The following B4GALT4 variants were observed in gnomAD, a reference collection of about 807,000 sequenced individuals.
The protein encoded by B4GALT4 is beta-1,4-galactosyltransferase 4.
B4GALT4 carries 27 observed loss-of-function variants against 37.3 expected under a neutral mutation model. The observed-to-expected ratio is 0.72, with a 90% CI of 0.53 to 1.00. The LOEUF is 1.00. Among genes scored for constraint, B4GALT4 ranks in the 50% least tolerant of loss-of-function variants. B4GALT4 has a pLI of 0.00. For synonymous variants in B4GALT4, 148 were observed against 154.1 expected (o/e 0.96, Z 0.29); for missense variants, 372 against 413.1 (o/e 0.90, Z 0.86).
chr3:119,227,583 G>A (rs1044444651), intron 3 of B4GALT4, among the ~76,000 whole-genome samples: 46 of 152,176 alleles, frequency 3.0e-4, no homozygotes, highest in African/African-American at 1.1e-3. Context: ...AGCTGTAACA[G>A]GTATGTGTGG....
intron 6 of B4GALT4, among the ~76,000 whole-genome samples, chr3:119,218,326 C>T (rs573728246): frequency 7.2e-5 from 11 of 152,206 alleles, no homozygotes; most frequent in African/African-American, 2.2e-4. Context: ...CTTAACAACC[C>T]GGTCTCCAAA....
Position 119,218,693 on chromosome 3 carries a change from T to C in B4GALT4, c.754A>G (p.Asn252Asp), listed in dbSNP as rs1294655403. ...QFFKVNGFSN[N>D]YWGWGGEDDD... ...TCTTCGCCTCCCCATCCCCAGTAGT[T>C]GTTAGAGAATCCATTCACCTTGAAA... Residue 252 changes from asparagine to aspartate, a missense_variant, in exon 6 of 8, where the codon AAC (asparagine) becomes GAC (aspartate). Physicochemically the swap from Asn to Asp is conservative, Grantham distance 23. Transcript: ENST00000393765. 2 of 1,614,180 alleles carry C rather than the reference T, an allele frequency of 1.2e-6. No individual in the cohort carries two copies. Among genetic ancestry groups the C allele is most frequent in the Non-Finnish European group, 1.7e-6 (2 of 1,180,040 alleles).
rs1409992807 is a variant in B4GALT4, at chr3:119,229,883, C to CT, written c.216dup (p.Glu73ArgfsTer3). The CT allele has an allele frequency of 6.2e-7, 1 of 1,614,054 alleles. No homozygotes were observed. Among genetic ancestry groups the CT allele is most frequent in the African/African-American group, 1.3e-5 (1 of 74,920 alleles). On this transcript the variant is annotated frameshift_variant, in exon 3 of 8. Coordinates refer to ENST00000393765, the MANE Select transcript of B4GALT4 (RefSeq NM_003778.4). LOFTEE classifies it high-confidence loss of function. ...GACACAGAAGGGCAGTTGTCAAGTT[C>CT]TACCTTCTTCGTGGATGCTTCATTA...
At chr3:119,219,593 G>A (rs922104479) in intron 5 of B4GALT4, among the ~76,000 whole-genome samples, 1 of 152,182 alleles carries the variant, frequency 6.6e-6, no homozygotes, top group Admixed American at 6.5e-5. Flanking sequence ...GGCATAGGTC[G>A]AGAAATCTCC....
intron 4 of B4GALT4, among the ~76,000 whole-genome samples, chr3:119,225,601 G>A (rs1300814948): frequency 6.7e-6 from 1 of 148,550 alleles, no homozygotes; most frequent in Non-Finnish European, 1.5e-5. Context: ...AGAGTATTTT[G>A]TATTTTTAGT....
At chr3:119,238,263 TAAA>T (rs35361911) in intron 1 of B4GALT4, among the ~76,000 whole-genome samples, 2 of 109,076 alleles carry the variant, frequency 1.8e-5, no homozygotes, top group Non-Finnish European at 3.6e-5. Flanking sequence ...ACCCTGTCTC[TAAA>T]AAAAAAAAAA....
At position 119,226,927 on chromosome 3, in the gene B4GALT4, C is replaced by T. The variant is rs762232173; in HGVS notation, c.368G>A (p.Arg123Lys). Residue 123 changes from arginine (R) to lysine (K), a missense_variant, in exon 4 of 8, where the codon AGG becomes AAG. Transcript: ENST00000393765. ...YRPQECKALQ[R>K]VAILVPHRNR... ...CCGGTGGGGAACGAGGATGGCGACC[C>T]TCTGTAAAGCTTTACATTCCTGAGG... The T allele has an allele frequency of 1.2e-6, 2 of 1,614,132 alleles. No individual in the cohort carries two copies. The highest frequency in any genetic ancestry group is 1.1e-5 in the South Asian group (1 of 91,084).
intron 2 of B4GALT4, among the ~76,000 whole-genome samples, chr3:119,235,448 C>T (rs2107543153): frequency 6.6e-6 from 1 of 152,294 alleles, no homozygotes; most frequent in African/African-American, 2.4e-5. Flanking sequence ...GGTAATTTTG[C>T]AGACACAGGG....
chr3:119,212,000 C>G lies in B4GALT4; in HGVS notation c.*549G>C. 1.7e-6 allele frequency: 1 copy of G among 602,238 alleles called. No homozygotes were observed. The highest frequency in any genetic ancestry group is 3.0e-6 in the Non-Finnish European group (1 of 336,248). The allele number at this position is 602,238 out of a possible 1,614,324, so 37.3% of individuals were successfully genotyped here. Reference sequence around the variant, plus strand: ...CAGCCGACACTCCACCCTCCTGCTACCTCTTCATTCCCAAGTTCACTGTGT... The same window carrying G: ...CAGCCGACACTCCACCCTCCTGCTAGCTCTTCATTCCCAAGTTCACTGTGT... On this transcript the variant is annotated 3_prime_UTR_variant, in exon 8 of 8. Coordinates refer to ENST00000393765, the MANE Select transcript of B4GALT4 (RefSeq NM_003778.4).
intron 2 of B4GALT4, among the ~76,000 whole-genome samples, chr3:119,235,673 C>T (rs918526362): frequency 6.6e-6 from 1 of 152,182 alleles, no homozygotes; most frequent in African/African-American, 2.4e-5. Context: ...TCTAAATGAT[C>T]ACTGGCCAGA....
rs72655944 is a variant in B4GALT4 at position 119,211,799 on chromosome 3, T to C, written c.*750A>G. The C allele has an allele frequency of 1.7e-3, 380 of 224,556 alleles. 4 individuals are homozygous for C. The highest frequency in any genetic ancestry group is 4.7e-3 in the Admixed American group (93 of 19,622). 13.9% of individuals were successfully genotyped at this position (224,556 alleles called of 1,614,324 possible). The stretch of plus-strand genomic sequence containing the variant: ...TAGACATATTTATTATTAGTTAATA[T>C]GTAAACTTGTAAACTGCTAATTCAT... On this transcript the variant is annotated 3_prime_UTR_variant, in exon 8 of 8. Transcript: ENST00000393765.
intron 5 of B4GALT4, among the ~76,000 whole-genome samples, chr3:119,221,940 G>C (rs1167152678): frequency 6.6e-6 from 1 of 152,234 alleles, no homozygotes; most frequent in Non-Finnish European, 1.5e-5. Flanking sequence ...CTGTTTCTCA[G>C]AGTGAGCGGC....
chr3:119,212,854 G>T, intron 7 of B4GALT4, 173 bp from the exon 8 acceptor site: 1 of 622,310 alleles, frequency 1.6e-6, no homozygotes, highest in Non-Finnish European at 2.7e-6. Context: ...TGATAGCCAT[G>T]TATTCATGTG....
chr3:119,236,438 G>A (rs2078988430), intron 2 of B4GALT4, among the ~76,000 whole-genome samples: 1 of 152,174 alleles, frequency 6.6e-6, no homozygotes, highest in African/African-American at 2.4e-5. Flanking sequence ...TAGGTGAACT[G>A]TGTATCATTT....
intron 2 of B4GALT4, chr3:119,236,397 G>A (rs1330446829): frequency 1.3e-5 from 2 of 152,016 alleles, no homozygotes; most frequent in African/African-American, 4.8e-5. Context: ...AATGTAGTAT[G>A]GTTATGTAAG....
chr3:119,223,424 T>G (rs1387316177), intron 5 of B4GALT4, among the ~76,000 whole-genome samples: 1 of 152,214 alleles, frequency 6.6e-6, no homozygotes, highest in East Asian at 1.9e-4. Flanking sequence ...CCCGCTTGGT[T>G]GTGCTTGAAT....
intron 2 of B4GALT4, among the ~76,000 whole-genome samples, chr3:119,234,400 G>A (rs754136553): frequency 5.5e-4 from 83 of 152,258 alleles, no homozygotes; most frequent in Non-Finnish European, 7.4e-4. Context: ...GATTACAGGC[G>A]TGAGCCACCA....
At chr3:119,223,485 G>A (rs903061485) in intron 5 of B4GALT4, among the ~76,000 whole-genome samples, 3 of 152,214 alleles carry the variant, frequency 2.0e-5, no homozygotes, top group Admixed American at 6.5e-5. Context: ...CCTTCTTAAG[G>A]GTGGAGGGGA....
At chr3:119,236,700 T>G (rs1046822025) in intron 2 of B4GALT4, among the ~76,000 whole-genome samples, 153 bp downstream of exon 2, 1 of 152,040 alleles carries the variant, frequency 6.6e-6, no homozygotes, top group Non-Finnish European at 1.5e-5. Flanking sequence ...CTAAAAGGAA[T>G]GAAACATTAA....
Sources: gnomAD v4.1 joint callset for allele counts (sites outside exome capture counted in the v4.1 genomes callset) on GRCh38, gnomAD v4.1.1 for gene constraint, MANE v1.5 for transcripts, NCBI Gene and HGNC (gene_info 2026-07-23, HGNC 2026-07-21) for gene names.